NELL1: variants seen among roughly 807,000 people sequenced by gnomAD.
NELL1 encodes neural EGFL like 1, also known as protein kinase C-binding protein NELL1.
A neutral mutation model predicts 107.4 loss-of-function variants in NELL1; 76 were observed. The observed-to-expected ratio is 0.71, with a 90% confidence interval of 0.59 to 0.86. The LOEUF is 0.86. NELL1 is among the 40% of genes least tolerant of loss of function. The pLI is 0.00. For missense variants in NELL1, 1,024 were observed against 1,005.5 expected (o/e 1.02, Z -0.25); for synonymous variants, 353 against 341.2 (o/e 1.03, Z -0.38).
intron 11 of NELL1, among the ~76,000 whole-genome samples, chr11:20,955,236 TC>T (rs1047272361): frequency 6.6e-6 from 1 of 152,196 alleles, no homozygotes; most frequent in African/African-American, 2.4e-5. Flanking sequence ...GTTTCAGATT[TC>T]CAGCCAGTTA....
intron 13 of NELL1, among the ~76,000 whole-genome samples, chr11:21,219,668 G>A (rs1028344652): frequency 6.6e-6 from 1 of 152,102 alleles, no homozygotes; most frequent in Non-Finnish European, 1.5e-5. Context: ...GTGAGAAATA[G>A]GGGTCTAATT....
intron 14 of NELL1, among the ~76,000 whole-genome samples, chr11:21,322,356 G>A (rs2133668519): frequency 6.6e-6 from 1 of 152,248 alleles, no homozygotes; most frequent in Admixed American, 6.5e-5. Flanking sequence ...GATGCTCTGT[G>A]ATTCTGAGTT....
chr11:21,055,118 C>T (rs368305821), intron 12 of NELL1, among the ~76,000 whole-genome samples: 3 of 151,936 alleles, frequency 2.0e-5, no homozygotes, highest in South Asian at 2.1e-4. Context: ...ACCAGAACTA[C>T]TTATTAAATA....
At chr11:20,735,652 A>G (rs1855744720) in intron 2 of NELL1, among the ~76,000 whole-genome samples, 1 of 152,160 alleles carries the variant, frequency 6.6e-6, no homozygotes. Flanking sequence ...CCTTGACTGG[A>G]ACAGTTTCAA....
chr11:20,969,276 C>T (rs1336211585), intron 12 of NELL1, among the ~76,000 whole-genome samples: 1 of 152,112 alleles, frequency 6.6e-6, no homozygotes, highest in African/African-American at 2.4e-5. Context: ...TGACCCATCT[C>T]CTTTCTCTCC....
At chr11:21,303,447 G>C (rs1849540941) in intron 14 of NELL1, among the ~76,000 whole-genome samples, 1 of 151,926 alleles carries the variant, frequency 6.6e-6, no homozygotes, top group Non-Finnish European at 1.5e-5. Flanking sequence ...AGTCAGAATT[G>C]CTATTATTAA....
At chr11:21,322,082 G>A (rs1164283730) in intron 14 of NELL1, among the ~76,000 whole-genome samples, 2 of 152,152 alleles carry the variant, frequency 1.3e-5, no homozygotes, top group African/African-American at 2.4e-5. Flanking sequence ...ATGATCCCAT[G>A]GAATGATGGA....
chr11:21,037,947 T>G (rs966849697), intron 12 of NELL1, among the ~76,000 whole-genome samples: 3 of 152,216 alleles, frequency 2.0e-5, no homozygotes, highest in Admixed American at 6.5e-5. Context: ...TGGTAGATTT[T>G]CTTGCTGGGC....
intron 2 of NELL1, among the ~76,000 whole-genome samples, chr11:20,689,565 T>A (rs60877790): frequency 6.7e-6 from 1 of 149,534 alleles, no homozygotes; most frequent in Non-Finnish European, 1.5e-5. Flanking sequence ...GATAGTTTAC[T>A]GAGAATGATG....
intron 2 of NELL1, among the ~76,000 whole-genome samples, chr11:20,742,163 A>C (rs1855906461): frequency 6.6e-6 from 1 of 152,060 alleles, no homozygotes; most frequent in African/African-American, 2.4e-5. Context: ...CCAAGAGGAG[A>C]CTGTTGTTTA....
At chr11:20,677,053 CA>C (rs1854076170) in intron 1 of NELL1, among the ~76,000 whole-genome samples, 2 of 152,192 alleles carry the variant, frequency 1.3e-5, no homozygotes, top group African/African-American at 4.8e-5. Context: ...TTGTCTTTCT[CA>C]AACAAGGGAA....
chr11:21,469,965 A>C (rs1300480874), intron 15 of NELL1, among the ~76,000 whole-genome samples: 5 of 125,944 alleles, frequency 4.0e-5, no homozygotes, highest in African/African-American at 1.9e-4. Flanking sequence ...GATGACACTT[A>C]CTATTTTTTC....
chr11:21,440,230 T>C (rs914455174), intron 15 of NELL1, among the ~76,000 whole-genome samples: 1 of 152,162 alleles, frequency 6.6e-6, no homozygotes, highest in African/African-American at 2.4e-5. Flanking sequence ...AAGAAGGTGA[T>C]TGGGTCAATG....
At chr11:20,872,683 T>C (rs150194072) in intron 4 of NELL1, among the ~76,000 whole-genome samples, 3,501 of 148,186 alleles carry the variant, frequency 0.024, 140 homozygotes, top group African/African-American at 0.086. Context: ...TGTGTGTGTG[T>C]GTGTGTGTGT....
intron 15 of NELL1, among the ~76,000 whole-genome samples, chr11:21,381,822 G>A (rs1045272938): frequency 6.0e-5 from 9 of 150,372 alleles, no homozygotes; most frequent in African/African-American, 1.2e-4. Flanking sequence ...TTATGCAACA[G>A]AGTTCTGCTC....
chr11:21,465,087 T>C (rs1270605479), intron 15 of NELL1, among the ~76,000 whole-genome samples: 1 of 152,084 alleles, frequency 6.6e-6, no homozygotes, highest in Non-Finnish European at 1.5e-5. Flanking sequence ...CACGAAGGAA[T>C]ACCTTGGAAA....
rs751930899 is a variant in NELL1, at chr11:21,147,817, C to T, written c.1426+34103C>T. Among the ~76,000 whole-genome samples, 52 of 68,378 alleles carry T rather than the reference C, an allele frequency of 7.6e-4. 1 individual carries two copies. The highest frequency in any genetic ancestry group is 2.9e-3 in the Admixed American group (11 of 3,814). The allele number at this position is 68,378 out of a possible 152,430, so 44.9% of individuals were successfully genotyped here. ...CACCATTGCACCCCAGCCTGGGCAACAAGAGTGAAACTCCGTCTCAAAAAA... is the reference window on the plus strand; with the variant it reads ...CACCATTGCACCCCAGCCTGGGCAATAAGAGTGAAACTCCGTCTCAAAAAA... On this transcript the variant is annotated intron_variant, in intron 13 of 19. Coordinates refer to ENST00000357134, the MANE Select transcript of NELL1 (RefSeq NM_006157.5).
At chr11:20,985,634 T>C in intron 12 of NELL1, among the ~76,000 whole-genome samples, 1 of 152,192 alleles carries the variant, frequency 6.6e-6, no homozygotes, top group East Asian at 1.9e-4. Flanking sequence ...TTTTTCAGTT[T>C]CCTGTATTTT....
chr11:20,808,980 T>A (rs1054565680), intron 3 of NELL1, among the ~76,000 whole-genome samples: 9 of 152,200 alleles, frequency 5.9e-5, no homozygotes, highest in African/African-American at 2.2e-4. Context: ...GATTTTGGGT[T>A]TTTATAAAGA....
Sources: allele counts gnomAD v4.1 joint callset (sites outside exome capture counted in the v4.1 genomes callset), GRCh38; gene constraint gnomAD v4.1.1; transcripts MANE v1.5; gene names NCBI Gene and HGNC (gene_info 2026-07-23, HGNC 2026-07-21).